The following IP6K3 variants were observed in gnomAD, a reference collection of about 807,000 sequenced individuals.
IP6K3 encodes ATP:1D-myo-inositol-hexakisphosphate phosphotransferase.
IP6K3 carries 20 observed loss-of-function variants against 28.8 expected under a neutral mutation model. The ratio of observed to expected loss-of-function variants is 0.70; its 90% CI spans 0.49 to 1.01. The LOEUF (loss-of-function observed/expected upper bound fraction) is 1.01. IP6K3 is among the 50% of genes least tolerant of loss of function. The pLI is 0.00. For synonymous variants in IP6K3, 213 were observed against 221.3 expected (o/e 0.96, Z 0.33); for missense variants, 480 against 537.1 (o/e 0.89, Z 1.05).
intron 3 of IP6K3, 80 bp from the exon 4 acceptor site, chr6:33,726,986 T>C: frequency 7.1e-7 from 1 of 1,402,538 alleles, no homozygotes; most frequent in East Asian, 2.4e-5. Context: ...CTGGGCTCTC[T>C]GAGATGGGCT....
rs1766240042 is a variant in IP6K3 at position 33,729,440 on chromosome 6, A to AC, written c.200-1141dup. Among the ~76,000 whole-genome samples the AC allele has an allele frequency of 2.0e-5, 3 of 152,304 alleles. No homozygotes were observed. In the South Asian group the frequency reaches 6.2e-4, roughly 32 times the overall value. On this transcript the variant is annotated intron_variant, in intron 2 of 5. Transcript: ENST00000293756. The stretch of plus-strand genomic sequence containing the variant: ...CTGAAGGAGTGACCTGATGGAGTAT[A>AC]CCAGTGGCTCCCTTGCCCTCTAGTT...
rs192595357 is a variant in IP6K3, at chr6:33,746,277, C to G, written c.-180+481G>C. Among the ~76,000 whole-genome samples, 100 of 152,278 alleles carry G rather than the reference C, an allele frequency of 6.6e-4. No homozygotes were observed. The highest frequency in any genetic ancestry group is 6.8e-3 in the Middle Eastern group (2 of 294). ...CCAGCCTGGTGCCGGCCTCCTGCCC[C>G]CTCCCGTGGAAAGCTGGGGCTGCTG... is the stretch of plus-strand genomic sequence containing the variant. On this transcript the variant is annotated intron_variant, in intron 1 of 5. Transcript: ENST00000293756. The surrounding 1 kb of genome is among the most constrained non-coding windows in gnomAD (Gnocchi z 6.5).
chr6:33,735,650 G>T lies in IP6K3; in HGVS notation c.-174C>A. 31 of 1,423,372 alleles carry T rather than the reference G, an allele frequency of 2.2e-5. No homozygotes were observed. The highest frequency in any genetic ancestry group is 2.8e-5 in the Non-Finnish European group (30 of 1,088,370). The allele number at this position is 1,423,372 out of a possible 1,614,324, so 88.2% of individuals were successfully genotyped here. On this transcript the variant is annotated 5_prime_UTR_variant, in exon 2 of 6. Coordinates refer to ENST00000293756, the MANE Select transcript of IP6K3 (RefSeq NM_054111.5). ...CCTCCTGTCTGTGGGTTCTCAGCGG[G>T]GTCCTCTGGAAAGCAGGGGAGGAAG...
intron 2 of IP6K3, among the ~76,000 whole-genome samples, chr6:33,729,222 G>A (rs529452616): frequency 6.6e-6 from 1 of 152,372 alleles, no homozygotes; most frequent in East Asian, 1.9e-4. Flanking sequence ...CAGAACCCAG[G>A]CCTTCCTCCG....
the IP6K3 span, among the ~76,000 whole-genome samples, chr6:33,758,085 G>C: frequency 2.3e-4 from 35 of 152,330 alleles, no homozygotes; most frequent in African/African-American, 7.7e-4. Flanking sequence ...CTGCAGGCCT[G>C]GAGAGCGCTC....
intron 2 of IP6K3, among the ~76,000 whole-genome samples, chr6:33,733,061 C>T (rs117270633): frequency 0.01 from 1,596 of 152,354 alleles, 59 homozygotes; most frequent in South Asian, 0.096. Context: ...CTTCAGCCCA[C>T]GGGCTCTGTC....
Position 33,722,503 on chromosome 6 carries a change from G to A in IP6K3, c.*217C>T. Reference sequence around the variant, plus strand: ...TTATCCTGGCTGTCTGTTCTCCGATGAGCAGCATTAGAGCATAATGCCAGG... The same window carrying A: ...TTATCCTGGCTGTCTGTTCTCCGATAAGCAGCATTAGAGCATAATGCCAGG... On this transcript the variant is annotated 3_prime_UTR_variant, in exon 6 of 6. Transcript: ENST00000293756. The A allele has an allele frequency of 2.1e-5, 9 of 427,104 alleles. No homozygotes were observed. The highest frequency in any genetic ancestry group is 9.1e-5 in the South Asian group (2 of 21,864). The allele number at this position is 427,104 out of a possible 1,614,324, so 26.5% of individuals were successfully genotyped here.
At chr6:33,761,550 A>G in the IP6K3 span, among the ~76,000 whole-genome samples, 14 of 152,180 alleles carry the variant, frequency 9.2e-5, no homozygotes, top group Non-Finnish European at 1.8e-4. Context: ...TCCAAGAGTC[A>G]GATGCAGCAA....
chr6:33,732,682 C>T (rs1766360460), intron 2 of IP6K3, among the ~76,000 whole-genome samples: 1 of 152,242 alleles, frequency 6.6e-6, no homozygotes, highest in Admixed American at 6.5e-5. Flanking sequence ...CCTCAGCTTC[C>T]TCATCTATGA....
intron 2 of IP6K3, among the ~76,000 whole-genome samples, chr6:33,732,909 T>C (rs1766368833): frequency 6.6e-6 from 1 of 152,208 alleles, no homozygotes; most frequent in South Asian, 2.1e-4. Context: ...ACCCCAGGCA[T>C]CTGAGCACCT....
At chr6:33,733,864 C>T (rs917334731) in intron 2 of IP6K3, among the ~76,000 whole-genome samples, 5 of 152,230 alleles carry the variant, frequency 3.3e-5, no homozygotes, top group Admixed American at 1.3e-4. Flanking sequence ...GCTCAAGGCT[C>T]CAGGCCCTGG....
rs143117662 is a variant in IP6K3, at chr6:33,724,091, T to C, written c.766-904A>G. ...AGGTCTTTCCTGCCTTCAGATTACA[T>C]GATATGTTCATAGAAAACCAGTGTT... On this transcript the variant is annotated intron_variant, in intron 5 of 5. Transcript: ENST00000293756. 1.3e-3 allele frequency among the ~76,000 whole-genome samples: 193 copies of C among 152,286 alleles called. 1 individual carries two copies. The highest frequency in any genetic ancestry group is 4.4e-3 in the African/African-American group (184 of 41,552).
In IP6K3 at chr6:33,744,411, G is replaced by T. The variant is rs1368625489; in HGVS notation, c.-180+2347C>A. ...CCAGCGGTTAGCATGGCAGTTTTATGGTTGCAAGATGGAACAGCTCTTTAA... is the reference window on the plus strand; with the variant it reads ...CCAGCGGTTAGCATGGCAGTTTTATTGTTGCAAGATGGAACAGCTCTTTAA... On this transcript the variant is annotated intron_variant, in intron 1 of 5. Transcript: ENST00000293756. This position sits in a 1 kb window ranked among gnomAD's most constrained non-coding sequence, Gnocchi z 4.4. 6.6e-6 allele frequency among the ~76,000 whole-genome samples: 1 copy of T among 152,326 alleles called. No individual in the cohort carries two copies. The highest frequency in any genetic ancestry group is 2.1e-4 in the South Asian group (1 of 4,828).
At chr6:33,725,934 T>C (rs988386243) in intron 4 of IP6K3, among the ~76,000 whole-genome samples, 3 of 152,220 alleles carry the variant, frequency 2.0e-5, no homozygotes, top group Non-Finnish European at 2.9e-5. Flanking sequence ...AATTTACATT[T>C]TACGGCAGAA....
rs1048229100 is a variant in IP6K3, at chr6:33,735,593, C to T, written c.-117G>A. 2.0e-6 allele frequency: 3 copies of T among 1,496,746 alleles called. No homozygotes were observed. Among genetic ancestry groups the T allele is most frequent in the South Asian group, 2.6e-5 (2 of 76,400 alleles). 92.7% of individuals were successfully genotyped at this position (1,496,746 alleles called of 1,614,324 possible). On this transcript the variant is annotated 5_prime_UTR_variant, in exon 2 of 6. Transcript: ENST00000293756. ...GTCAGCGGTCCTCAACTTTCTCCTT[C>T]TTGGCCTTTATTGCTGTCATAGCGC...
At chr6:33,725,324 G>C in intron 5 of IP6K3, 117 bp downstream of exon 5, 1 of 1,015,046 alleles carries the variant, frequency 9.9e-7, no homozygotes, top group Non-Finnish European at 1.4e-6. Context: ...CTCCTCTGTG[G>C]CTCCTCCAGA....
chr6:33,732,941 T>C (rs1426944528), intron 2 of IP6K3, among the ~76,000 whole-genome samples: 1 of 152,222 alleles, frequency 6.6e-6, no homozygotes, highest in Non-Finnish European at 1.5e-5. Flanking sequence ...CTGGGCCTTT[T>C]CCTAGAGTCT....
At chr6:33,747,449 AC>A (rs1766945806), upstream of IP6K3, among the ~76,000 whole-genome samples, 1 of 152,182 alleles carries the variant, frequency 6.6e-6, no homozygotes, top group African/African-American at 2.4e-5. The surrounding 1 kb of genome is among the most constrained non-coding windows in gnomAD (Gnocchi z 5.2). Flanking sequence ...TCAGGGGATT[AC>A]AGCTGGGGGG....
chr6:33,730,440 C>T (rs998203643), intron 2 of IP6K3, among the ~76,000 whole-genome samples: 8 of 152,212 alleles, frequency 5.3e-5, no homozygotes, highest in African/African-American at 1.9e-4. Context: ...CACACCATCC[C>T]AGGCTCCCGT....
Sources: gnomAD v4.1 joint callset for allele counts (sites outside exome capture counted in the v4.1 genomes callset) on GRCh38, gnomAD v4.1.1 for gene constraint, Gnocchi (gnomAD v3.1) non-coding constraint, MANE v1.5 for transcripts, NCBI Gene and HGNC (gene_info 2026-07-23, HGNC 2026-07-21) for gene names.